GTSE1: variants seen among roughly 807,000 people sequenced by gnomAD.
GTSE1 encodes the protein G2 and S-phase expressed 1.
GTSE1 carries 52 observed loss-of-function variants against 60.5 expected under a neutral mutation model. The observed-to-expected ratio is 0.86, with a 90% CI of 0.69 to 1.08. The LOEUF is 1.08. GTSE1 is among the 50% of genes least tolerant of loss of function. The pLI is 0.00. For synonymous variants in GTSE1, 368 were observed against 386.5 expected (o/e 0.95, Z 0.56); for missense variants, 937 against 961.8 (o/e 0.97, Z 0.34).
At chr22:46,305,585 A>G (rs1196789982) in intron 2 of GTSE1, among the ~76,000 whole-genome samples, 123 of 137,996 alleles carry the variant, frequency 8.9e-4, no homozygotes, top group East Asian at 3.1e-3. Context: ...CTCCAGCCTG[A>G]GTGACAGAGT....
chr22:46,315,614 C>A (rs559335969), intron 6 of GTSE1, among the ~76,000 whole-genome samples: 4 of 152,234 alleles, frequency 2.6e-5, no homozygotes, highest in Non-Finnish European at 5.9e-5. Context: ...TATGACGCAG[C>A]CTCCTTGTAA....
chr22:46,318,919 G>A lies in GTSE1; in HGVS notation c.1432+2507G>A, dbSNP rs1164314922. On this transcript the variant is annotated intron_variant, in intron 7 of 11. Transcript: ENST00000454366. This position sits in a 1 kb window ranked among gnomAD's most constrained non-coding sequence, Gnocchi z 4.8. ...ACCGGCTCTGGCCCTCATACCTCCC[G>A]GCAGGAAGCCTTCTTCTAGGTGAAG... Among the ~76,000 whole-genome samples, 6 of 152,064 alleles carry A rather than the reference G, an allele frequency of 3.9e-5. No individual in the cohort carries two copies. The highest frequency in any genetic ancestry group is 7.4e-5 in the Non-Finnish European group (5 of 68,020).
intron 2 of GTSE1, among the ~76,000 whole-genome samples, chr22:46,298,170 C>T (rs535765776): frequency 6.6e-6 from 1 of 150,562 alleles, no homozygotes; most frequent in Non-Finnish European, 1.5e-5. Flanking sequence ...GCCATGTTGC[C>T]CAGGCTGGTC....
At chr22:46,315,649 A>G (rs1298711222) in intron 6 of GTSE1, among the ~76,000 whole-genome samples, 1 of 152,194 alleles carries the variant, frequency 6.6e-6, no homozygotes, top group Non-Finnish European at 1.5e-5. Context: ...ACCAGTAACA[A>G]TTGCGTCTTT....
rs948345440 is a variant in GTSE1 at position 46,319,409 on chromosome 22, G to A, written c.1432+2997G>A. Among the ~76,000 whole-genome samples, 1 of 152,148 alleles carries A rather than the reference G, an allele frequency of 6.6e-6. No individual in the cohort carries two copies. The highest frequency in any genetic ancestry group is 2.4e-5 in the African/African-American group (1 of 41,436). On this transcript the variant is annotated intron_variant, in intron 7 of 11. Transcript: ENST00000454366. This position sits in a 1 kb window ranked among gnomAD's most constrained non-coding sequence, Gnocchi z 5.0. ...TAGTGCTGGGGAAGGAGGCTGGAGCGCTGCGGTCTGCCTGACGTTCTGGTA... is the reference window on the plus strand; with the variant it reads ...TAGTGCTGGGGAAGGAGGCTGGAGCACTGCGGTCTGCCTGACGTTCTGGTA...
chr22:46,307,578 A>C (rs1379012325), intron 2 of GTSE1, among the ~76,000 whole-genome samples: 5 of 152,062 alleles, frequency 3.3e-5, no homozygotes, highest in African/African-American at 1.2e-4. Context: ...ATCTTGGCTC[A>C]CTGCAACTTC....
At position 46,314,107 on chromosome 22, in the gene GTSE1, T is replaced by A; in HGVS notation, c.1051+94T>A. 6.7e-7 allele frequency: 1 copy of A among 1,503,732 alleles called. No homozygotes were observed. The highest frequency in any genetic ancestry group is 1.1e-5 in the South Asian group (1 of 88,014). 93.1% of individuals were successfully genotyped at this position (1,503,732 alleles called of 1,614,324 possible). A position where few individuals can be genotyped will look rare whatever the true frequency, so the allele number is the denominator to read the frequency against. On this transcript the variant is annotated intron_variant, in intron 6 of 11. Coordinates refer to ENST00000454366, the MANE Select transcript of GTSE1 (RefSeq NM_016426.7). This position sits in a 1 kb window ranked among gnomAD's most constrained non-coding sequence, Gnocchi z 7.1. ...TGGAGACTGTTTCTGCAGAACCACT[T>A]AGGCTTGGCAGGACGTCCCGGAGGG...
At position 46,329,925 on chromosome 22, in the gene GTSE1, T is replaced by C. The variant is rs2077866537; in HGVS notation, c.2137-122T>C. 1.5e-6 allele frequency: 1 copy of C among 686,536 alleles called. No homozygotes were observed. 42.5% of individuals were successfully genotyped at this position (686,536 alleles called of 1,614,324 possible). On this transcript the variant is annotated intron_variant, in intron 11 of 11. Coordinates refer to ENST00000454366, the MANE Select transcript of GTSE1 (RefSeq NM_016426.7). This position sits in a 1 kb window ranked among gnomAD's most constrained non-coding sequence, Gnocchi z 6.4. ...CGTGGTGGCCCAGAGTGCTTTTCAGTGCACCCGAGCCAGGATGAGCGAGTG... is the reference window on the plus strand; with the variant it reads ...CGTGGTGGCCCAGAGTGCTTTTCAGCGCACCCGAGCCAGGATGAGCGAGTG...
At position 46,310,829 on chromosome 22, in the gene GTSE1, C is replaced by G. The variant is rs1214000333; in HGVS notation, c.763-1312C>G. Among the ~76,000 whole-genome samples, 1 of 152,116 alleles carries G rather than the reference C, an allele frequency of 6.6e-6. No homozygotes were observed. Among genetic ancestry groups the G allele is most frequent in the Non-Finnish European group, 1.5e-5 (1 of 68,020 alleles). The stretch of plus-strand genomic sequence containing the variant: ...CCTGTAATCCCAGCTACTTGGGAGG[C>G]TGAGGCAGGAGAATCGCCTGAACCC... On this transcript the variant is annotated intron_variant, in intron 4 of 11. Coordinates refer to ENST00000454366, the MANE Select transcript of GTSE1 (RefSeq NM_016426.7). The surrounding 1 kb of genome is among the most constrained non-coding windows in gnomAD (Gnocchi z 4.4).
chr22:46,328,341 G>T (rs1254585719), intron 9 of GTSE1, among the ~76,000 whole-genome samples: 1 of 152,236 alleles, frequency 6.6e-6, no homozygotes, highest in African/African-American at 2.4e-5. Context: ...AGCTGCATGC[G>T]AGGAGGAGCT....
rs568380088 is a variant in GTSE1 at position 46,318,200 on chromosome 22, A to C, written c.1432+1788A>C. Among the ~76,000 whole-genome samples the C allele has an allele frequency of 6.6e-6, 1 of 152,184 alleles. No homozygotes were observed. The highest frequency in any genetic ancestry group is 6.5e-5 in the Admixed American group (1 of 15,280). The stretch of plus-strand genomic sequence containing the variant: ...CTTGAACAATTGTGTGCAATGCAGA[A>C]AGTTCTCAGAGCTGACTTAAGGTGA... On this transcript the variant is annotated intron_variant, in intron 7 of 11. Coordinates refer to ENST00000454366, the MANE Select transcript of GTSE1 (RefSeq NM_016426.7). This position sits in a 1 kb window ranked among gnomAD's most constrained non-coding sequence, Gnocchi z 4.8.
In GTSE1 at chr22:46,314,145, G is replaced by A. The variant is rs1363243574; in HGVS notation, c.1051+132G>A. 16 of 1,100,114 alleles carry A rather than the reference G, an allele frequency of 1.5e-5. No homozygotes were observed. Among genetic ancestry groups the A allele is most frequent in the African/African-American group, 3.1e-5 (2 of 64,840 alleles). 68.1% of individuals were successfully genotyped at this position (1,100,114 alleles called of 1,614,324 possible). A position where few individuals can be genotyped will look rare whatever the true frequency, so the allele number is the denominator to read the frequency against. ...ACGTCCCGGAGGGCGTGCTGTGTGC[G>A]GTGGACCAGGCTGTGGACTGAGTTG... On this transcript the variant is annotated intron_variant, in intron 6 of 11. Transcript: ENST00000454366. The surrounding 1 kb of genome is among the most constrained non-coding windows in gnomAD (Gnocchi z 7.1).
At position 46,317,712 on chromosome 22, in the gene GTSE1, C is replaced by T. The variant is rs554805753; in HGVS notation, c.1432+1300C>T. ...CTTTTTATGCTTTGAAGTGGTGGGT[C>T]TAGCATAGCCTTTCCGCCTCCCGCC... On this transcript the variant is annotated intron_variant, in intron 7 of 11. Coordinates refer to ENST00000454366, the MANE Select transcript of GTSE1 (RefSeq NM_016426.7). This position sits in a 1 kb window ranked among gnomAD's most constrained non-coding sequence, Gnocchi z 5.6. Among the ~76,000 whole-genome samples the T allele has an allele frequency of 5.5e-4, 84 of 152,316 alleles. No homozygotes were observed. The highest frequency in any genetic ancestry group is 2.0e-3 in the African/African-American group (83 of 41,572).
chr22:46,312,410 T>C (rs9615946), intron 5 of GTSE1, 105 bp downstream of exon 5: 98,483 of 1,100,922 alleles, frequency 0.089, 5,045 homozygotes, highest in Non-Finnish European at 0.1. Flanking sequence ...GAGGCCAAGG[T>C]GGGAGGATCA....
chr22:46,326,781 G>GTT, intron 9 of GTSE1, 127 bp downstream of exon 9: 24 of 539,614 alleles, frequency 4.4e-5, no homozygotes, highest in South Asian at 8.9e-5. Flanking sequence ...AAGTTTGTTT[G>GTT]TTTTTTTTTT....
At chr22:46,305,607 T>C (rs2077711174) in intron 2 of GTSE1, among the ~76,000 whole-genome samples, 1 of 141,604 alleles carries the variant, frequency 7.1e-6, no homozygotes, top group African/African-American at 2.7e-5. Flanking sequence ...AGACTCCATC[T>C]CAAAAAAATA....
intron 8 of GTSE1, 63 bp downstream of exon 8, chr22:46,323,325 C>G: frequency 1.5e-5 from 19 of 1,259,678 alleles, no homozygotes; most frequent in Non-Finnish European, 2.1e-5. Context: ...ATCTGCTTAC[C>G]TCAACCATTT....
Position 46,296,900 on chromosome 22 carries a change from G to T in GTSE1, c.-53G>T, listed in dbSNP as rs906103332. ...CCGGCGCCGCGTTTAAATCCGTGCC[G>T]GAGGCGCGTCCTGCATCGTCTGCCG... On this transcript the variant is annotated 5_prime_UTR_variant, in exon 1 of 12. Transcript: ENST00000454366. The T allele has an allele frequency of 6.4e-6, 1 of 155,984 alleles. No individual in the cohort carries two copies. The highest frequency in any genetic ancestry group is 1.4e-5 in the Non-Finnish European group (1 of 70,326). 9.7% of individuals were successfully genotyped at this position (155,984 alleles called of 1,614,324 possible). A position where few individuals can be genotyped will look rare whatever the true frequency, so the allele number is the denominator to read the frequency against.
At chr22:46,302,039 C>T (rs1293695832) in intron 2 of GTSE1, among the ~76,000 whole-genome samples, 2 of 152,122 alleles carry the variant, frequency 1.3e-5, no homozygotes, top group African/African-American at 2.4e-5. Context: ...GCAGGAGAAT[C>T]GCTTGAACCC....
Sources: allele counts gnomAD v4.1 joint callset (sites outside exome capture counted in the v4.1 genomes callset), GRCh38; gene constraint gnomAD v4.1.1; non-coding constraint Gnocchi (gnomAD v3.1); transcripts MANE v1.5; gene names NCBI Gene and HGNC (gene_info 2026-07-23, HGNC 2026-07-21).